SLCO5A1: variants seen among roughly 807,000 people sequenced by gnomAD.
The protein encoded by SLCO5A1 is solute carrier organic anion transporter family member 5A1.
Under a neutral mutation model 65.1 loss-of-function variants are expected in SLCO5A1, and 39 were observed. That is an observed-to-expected ratio of 0.60 (90% CI 0.46 to 0.78). The LOEUF is 0.78. Among genes scored for constraint, SLCO5A1 ranks in the 30% least tolerant of loss-of-function variants. SLCO5A1 has a pLI of 0.00. For synonymous variants in SLCO5A1, 438 were observed against 415.7 expected (o/e 1.05, Z -0.65); for missense variants, 1,029 against 1,069.4 (o/e 0.96, Z 0.53).
chr8:69,813,948 C>T (rs1439577379), intron 2 of SLCO5A1, among the ~76,000 whole-genome samples: 3 of 152,116 alleles, frequency 2.0e-5, no homozygotes, highest in Non-Finnish European at 4.4e-5. Context: ...TTTTAGATGA[C>T]CTTCAGCATA....
At position 69,679,393 on chromosome 8, in the gene SLCO5A1, A is replaced by T. The variant is rs1813673328; in HGVS notation, c.2009T>A (p.Ile670Asn). 1 of 1,614,176 alleles carries T rather than the reference A, an allele frequency of 6.2e-7. No individual in the cohort carries two copies. Among genetic ancestry groups the T allele is most frequent in the African/African-American group, 1.3e-5 (1 of 75,050 alleles). ...CTGTTCTCACCTGAGTGTTACTATGATAGCTGATGGTTGGGCACATGCTGT... is the reference window on the plus strand; with the variant it reads ...CTGTTCTCACCTGAGTGTTACTATGTTAGCTGATGGTTGGGCACATGCTGT... ...FITACAQPSA[I>N]IVTLRSVEDE... The change falls in exon 8 of 10, where the codon ATC becomes AAC. Residue 670 changes from isoleucine (I) to asparagine (N), a missense_variant. By Grantham distance (149) the Ile-to-Asn change is moderately radical. Coordinates refer to ENST00000260126, the MANE Select transcript of SLCO5A1 (RefSeq NM_030958.3).
intron 2 of SLCO5A1, among the ~76,000 whole-genome samples, chr8:69,784,811 A>AAAAGAAAGAAAGAAAGAAAGAAAG (rs56110450): frequency 0.012 from 823 of 70,890 alleles, 15 homozygotes; most frequent in African/African-American, 0.014. Flanking sequence ...GAAAGAAAGA[A>AAAAGAAAGAAAGAAAGAAAGAAAG]AAAGAAAGAA....
intron 5 of SLCO5A1, chr8:69,713,365 T>C (rs546602754): frequency 6.6e-6 from 1 of 152,376 alleles, no homozygotes; most frequent in African/African-American, 2.4e-5. Flanking sequence ...TGCTGTTGCC[T>C]GGCTGGGCAC....
Position 69,832,765 on chromosome 8 carries a change from C to A in SLCO5A1, c.-92G>T. The A allele has an allele frequency of 7.0e-7, 1 of 1,425,558 alleles. No homozygotes were observed. The highest frequency in any genetic ancestry group is 1.4e-5 in the South Asian group (1 of 72,162). The allele number at this position is 1,425,558 out of a possible 1,614,324, so 88.3% of individuals were successfully genotyped here. ...ACGAGGGGCCGAAGCCGGGCCCAGT[C>A]AGTCTTGCCCACCTGGGACTGGGGC... On this transcript the variant is annotated 5_prime_UTR_variant, in exon 2 of 10. Coordinates refer to ENST00000260126, the MANE Select transcript of SLCO5A1 (RefSeq NM_030958.3). This position sits in a 1 kb window ranked among gnomAD's most constrained non-coding sequence, Gnocchi z 4.5.
chr8:69,794,710 A>G lies in SLCO5A1; in HGVS notation c.908-32835T>C, dbSNP rs1351395831. On this transcript the variant is annotated intron_variant, in intron 2 of 9. Coordinates refer to ENST00000260126, the MANE Select transcript of SLCO5A1 (RefSeq NM_030958.3). Reference sequence around the variant, plus strand: ...CTTCAAAAAGGTGCAGACTGCAGCCATACTTGTTATATTAGTTCATTCTTG... The same window carrying G: ...CTTCAAAAAGGTGCAGACTGCAGCCGTACTTGTTATATTAGTTCATTCTTG... The G allele has an allele frequency of 4.4e-5, 13 of 296,966 alleles. 1 individual carries two copies. Among genetic ancestry groups the G allele is most frequent in the Non-Finnish European group, 8.1e-5 (12 of 147,326 alleles). 18.4% of individuals were successfully genotyped at this position (296,966 alleles called of 1,614,324 possible). A position where few individuals can be genotyped will look rare whatever the true frequency, so the allele number is the denominator to read the frequency against.
chr8:69,746,517 G>A (rs1817035768), intron 4 of SLCO5A1, among the ~76,000 whole-genome samples: 1 of 152,118 alleles, frequency 6.6e-6, no homozygotes, highest in Admixed American at 6.5e-5. Flanking sequence ...TATAAAAGAT[G>A]GGGATTTTTA....
chr8:69,823,039 T>A (rs1820714071), intron 2 of SLCO5A1, among the ~76,000 whole-genome samples: 1 of 152,230 alleles, frequency 6.6e-6, no homozygotes, highest in Non-Finnish European at 1.5e-5. Flanking sequence ...TGGCTTTGTA[T>A]TCTAGATATG....
chr8:69,762,221 C>T (rs1817828613), intron 2 of SLCO5A1, among the ~76,000 whole-genome samples: 1 of 148,748 alleles, frequency 6.7e-6, no homozygotes, highest in Non-Finnish European at 1.5e-5. Flanking sequence ...GAGTCTTGCT[C>T]TGTCACCCAG....
At chr8:69,722,460 A>G (rs1815870715) in intron 5 of SLCO5A1, among the ~76,000 whole-genome samples, 2 of 152,150 alleles carry the variant, frequency 1.3e-5, no homozygotes, top group East Asian at 3.9e-4. Flanking sequence ...AAGTACTTAC[A>G]CTTAATATTA....
intron 5 of SLCO5A1, among the ~76,000 whole-genome samples, chr8:69,734,007 C>T (rs1315757759): frequency 1.3e-5 from 2 of 149,318 alleles, no homozygotes; most frequent in Non-Finnish European, 3.0e-5. Context: ...GCAGGGAGAG[C>T]ACTGTGACAC....
intron 2 of SLCO5A1, among the ~76,000 whole-genome samples, chr8:69,773,367 G>C (rs189190660): frequency 6.6e-6 from 1 of 152,204 alleles, no homozygotes; most frequent in Non-Finnish European, 1.5e-5. Flanking sequence ...TTGAGGGCAG[G>C]CTCCAGCATC....
At position 69,672,935 on chromosome 8, in the gene SLCO5A1, T is replaced by A; in HGVS notation, c.2481A>T (p.Glu827Asp). Residue 827 changes from glutamate to aspartate, a missense_variant, in exon 10 of 10, where the codon GAA (glutamate) becomes GAT (aspartate). Physicochemically the swap from Glu to Asp is conservative, Grantham distance 45 (BLOSUM62 2). Coordinates refer to ENST00000260126, the MANE Select transcript of SLCO5A1 (RefSeq NM_030958.3). ...CCGGGTCCGCAGAGGAACTTATTGC[T>A]TCTGGGAAGGGCCCCGGGTAGGTCT... is the stretch of plus-strand genomic sequence containing the variant. ...AAQTYPGPFP[E>D]AISSSADPGL... 6.2e-7 allele frequency: 1 copy of A among 1,614,228 alleles called. No individual in the cohort carries two copies. Among genetic ancestry groups the A allele is most frequent in the Non-Finnish European group, 8.5e-7 (1 of 1,180,030 alleles).
intron 2 of SLCO5A1, among the ~76,000 whole-genome samples, chr8:69,782,664 C>T (rs1563721374): frequency 6.6e-6 from 1 of 150,952 alleles, no homozygotes; most frequent in Non-Finnish European, 1.5e-5. Context: ...GTTTTACTTA[C>T]TAAGTTAACA....
intron 6 of SLCO5A1, among the ~76,000 whole-genome samples, chr8:69,683,710 C>T (rs1447494321): frequency 1.3e-5 from 2 of 152,052 alleles, no homozygotes; most frequent in African/African-American, 4.8e-5. Flanking sequence ...TTACAGGCAC[C>T]TGCCACCATG....
chr8:69,832,447 G>C lies in SLCO5A1; in HGVS notation c.227C>G (p.Pro76Arg), dbSNP rs760577997. The part of the protein sequence containing the change: ...SSGHQELKQG[P>R]NPLAPSPSAP... Reference sequence around the variant, plus strand: ...AGAGGGACTGGGGGCCAACGGGTTCGGGCCTTGCTTCAACTCCTGGTGGCC... The same window carrying C: ...AGAGGGACTGGGGGCCAACGGGTTCCGGCCTTGCTTCAACTCCTGGTGGCC... Residue 76 changes from proline to arginine, a missense_variant, in exon 2 of 10, where the codon CCG becomes CGG. This residue lies in a region of SLCO5A1 where 647 missense variants were observed against 647.5 expected (regional missense o/e 1.00). Coordinates refer to ENST00000260126, the MANE Select transcript of SLCO5A1 (RefSeq NM_030958.3). The surrounding 1 kb of genome is among the most constrained non-coding windows in gnomAD (Gnocchi z 4.5). 1.2e-6 allele frequency: 2 copies of C among 1,613,014 alleles called. No individual in the cohort carries two copies. The highest frequency in any genetic ancestry group is 3.3e-5 in the Admixed American group (2 of 59,834).
chr8:69,740,513 C>CTG (rs770802322), intron 4 of SLCO5A1, among the ~76,000 whole-genome samples: 2 of 152,088 alleles, frequency 1.3e-5, no homozygotes, highest in Non-Finnish European at 2.9e-5. Flanking sequence ...GGATGATAGA[C>CTG]TGTGTGTGTG....
At chr8:69,725,771 C>A (rs1252233996) in intron 5 of SLCO5A1, among the ~76,000 whole-genome samples, 1 of 152,116 alleles carries the variant, frequency 6.6e-6, no homozygotes, top group African/African-American at 2.4e-5. Context: ...GTTGATTGAA[C>A]CAAGGATAAG....
At chr8:69,695,527 G>A (rs970340577) in intron 6 of SLCO5A1, among the ~76,000 whole-genome samples, 6 of 151,756 alleles carry the variant, frequency 4.0e-5, no homozygotes, top group African/African-American at 1.5e-4. Context: ...GAAAGGTTGA[G>A]GATGAGAAAA....
intron 6 of SLCO5A1, among the ~76,000 whole-genome samples, chr8:69,690,803 G>A (rs1198711895): frequency 6.6e-6 from 1 of 152,170 alleles, no homozygotes; most frequent in African/African-American, 2.4e-5. Context: ...TGGTCATTTG[G>A]TAGCTCAAGA....
Sources: gnomAD v4.1 joint callset for allele counts (sites outside exome capture counted in the v4.1 genomes callset) on GRCh38, gnomAD v4.1.1 for gene constraint, gnomAD v4.1.1 regional missense constraint, Gnocchi (gnomAD v3.1) non-coding constraint, MANE v1.5 for transcripts, NCBI Gene and HGNC (gene_info 2026-07-23, HGNC 2026-07-21) for gene names.